CEP72: variants seen among roughly 807,000 people sequenced by gnomAD.
CEP72 encodes centrosomal protein of 72 kDa.
CEP72 carries 78 observed loss-of-function variants against 65.7 expected under a neutral mutation model. The observed-to-expected ratio is 1.19, with a 90% CI of 0.99 to 1.43. CEP72 has a LOEUF of 1.43. CEP72 is among the 40% of genes most tolerant of loss of function. CEP72 has a pLI of 0.00. For missense variants in CEP72, 914 were observed against 832.9 expected, an observed-to-expected ratio of 1.10 and a Z score of -1.20; for synonymous variants, 358 against 351.7, an observed-to-expected ratio of 1.02 and a Z score of -0.20.
chr5:670,078 AGTCCCCT>A (rs3840309), downstream of CEP72, among the ~76,000 whole-genome samples: 41,882 of 151,888 alleles, frequency 0.28, 6,588 homozygotes, highest in South Asian at 0.43. Context: ...CCAGGCTCTG[AGTCCCCT>A]GGCCTCTGGG....
chr5:651,536 C>T (rs1013067505), intron 11 of CEP72, among the ~76,000 whole-genome samples: 3 of 151,858 alleles, frequency 2.0e-5, no homozygotes, highest in Admixed American at 6.6e-5. Flanking sequence ...CACTGCAGTG[C>T]GTGTTCAGTT....
chr5:612,574 C>T, intron 1 of CEP72, 131 bp downstream of exon 1: 1 of 1,231,188 alleles, frequency 8.1e-7, no homozygotes, highest in Admixed American at 4.4e-5. Context: ...CCGGAACGGT[C>T]GCGGGCGAGC....
the CEP72 span, among the ~76,000 whole-genome samples, chr5:674,409 C>T: frequency 2.0e-5 from 3 of 150,776 alleles, no homozygotes; most frequent in Non-Finnish European, 2.9e-5. Flanking sequence ...CCCACGCAGG[C>T]TCTGGACCTG....
At chr5:662,887 T>C (rs1361046507) in intron 1 of CEP72, 1 of 143,752 alleles carries the variant, frequency 7.0e-6, no homozygotes, top group Non-Finnish European at 1.5e-5. Context: ...GTGATTCCGA[T>C]GACTGCTCGT....
Position 644,386 on chromosome 5 carries a change from A to G in CEP72, c.1627A>G (p.Ser543Gly). ...LLLSMKKEVKSADTAATLNLQ... is the reference protein window; with the variant it reads ...LLLSMKKEVKGADTAATLNLQ... ...GTTGAGTATGAAAAAGGAAGTGAAG[A>G]GTGCAGACACTGCAGCCACGTTAAA... The change falls in exon 10 of 12, where the codon AGT becomes GGT. Residue 543 changes from serine (S) to glycine (G), a missense_variant. Transcript: ENST00000264935. 7 of 1,613,998 alleles carry G rather than the reference A, an allele frequency of 4.3e-6. No homozygotes were observed. The highest frequency in any genetic ancestry group is 5.9e-6 in the Non-Finnish European group (7 of 1,179,974).
At chr5:651,100 TG>T (rs759727609) in intron 11 of CEP72, among the ~76,000 whole-genome samples, 93 of 42,490 alleles carry the variant, frequency 2.2e-3, no homozygotes, top group East Asian at 4.3e-3. Context: ...CTGTGAGGCG[TG>T]GACTGTGAGG....
intron 1 of CEP72, among the ~76,000 whole-genome samples, chr5:616,795 G>GGT (rs762810860): frequency 0.011 from 1,514 of 139,082 alleles, 18 homozygotes; most frequent in African/African-American, 0.027. Context: ...GTGGACGAGG[G>GGT]GTGTGTGTGT....
rs553663596 is a variant in CEP72, at chr5:640,222, A to T, written c.1343-186A>T. Among the ~76,000 whole-genome samples, 91 of 150,330 alleles carry T rather than the reference A, an allele frequency of 6.1e-4. 1 individual carries two copies. Among genetic ancestry groups the T allele is most frequent in the Non-Finnish European group, 5.3e-4 (36 of 67,524 alleles). ...CACCTCTTCTCTTTCTTCAGTTCCCACCCTGCCCGTGTGTGGACGCACAGA... is the reference window on the plus strand; with the variant it reads ...CACCTCTTCTCTTTCTTCAGTTCCCTCCCTGCCCGTGTGTGGACGCACAGA... On this transcript the variant is annotated intron_variant, in intron 8 of 11. Transcript: ENST00000264935.
chr5:649,429 G>C (rs1186654002), intron 11 of CEP72, among the ~76,000 whole-genome samples: 3 of 130,842 alleles, frequency 2.3e-5, no homozygotes, highest in African/African-American at 9.4e-5. Flanking sequence ...GGCGTGGACT[G>C]TGAGGGGTGA....
chr5:633,899 A>T lies in CEP72; in HGVS notation c.643A>T (p.Thr215Ser), dbSNP rs1255108203. ...EWDLGRPPGS[T>S]SFSQKGREAD... ...GGACCTCGGCAGGCCTCCCGGGAGC[A>T]CGAGCTTCAGCCAGAAGGGGCGTGA... Residue 215 changes from threonine (T) to serine (S), a missense_variant, in exon 5 of 12, where the codon ACG becomes TCG. Transcript: ENST00000264935. 6.2e-7 allele frequency: 1 copy of T among 1,613,238 alleles called. No individual in the cohort carries two copies. Among genetic ancestry groups the T allele is most frequent in the Non-Finnish European group, 8.5e-7 (1 of 1,180,036 alleles).
chr5:655,256 G>T (rs887198679), downstream of CEP72, among the ~76,000 whole-genome samples: 4 of 152,160 alleles, frequency 2.6e-5, no homozygotes, highest in South Asian at 8.3e-4. This position sits in a 1 kb window ranked among gnomAD's most constrained non-coding sequence, Gnocchi z 5.0. Context: ...CTTCTTGGGG[G>T]GCTGAGGCAG....
intron 10 of CEP72, 42 bp from the exon 11 acceptor site, chr5:647,763 T>C (rs770692988): frequency 6.1e-6 from 8 of 1,308,062 alleles, no homozygotes; most frequent in South Asian, 1.2e-5. Flanking sequence ...TATTAATGAG[T>C]TTTACTCATT....
Position 648,821 on chromosome 5 carries a change from CTG to C in CEP72, c.1778+908_1778+909del, listed in dbSNP as rs1207204044. ...GTGAGGCGTGGACTGTGAGGTGTGA[CTG>C]TGAGGTGTGACTGTGAGGTGTGGAC... On this transcript the variant is annotated intron_variant, in intron 11 of 11. Transcript: ENST00000264935. Among the ~76,000 whole-genome samples the C allele has an allele frequency of 6.9e-4, 80 of 116,144 alleles. 1 individual carries two copies. The highest frequency in any genetic ancestry group is 9.1e-4 in the African/African-American group (26 of 28,562). 76.2% of individuals were successfully genotyped at this position (116,144 alleles called of 152,430 possible). A position where few individuals can be genotyped will look rare whatever the true frequency, so the allele number is the denominator to read the frequency against.
At chr5:637,313 G>A (rs1737675963) in intron 6 of CEP72, among the ~76,000 whole-genome samples, 3 of 152,126 alleles carry the variant, frequency 2.0e-5, no homozygotes, top group African/African-American at 7.2e-5. Flanking sequence ...TCTTCCCTCG[G>A]CACCCTCCCT....
At chr5:644,803 C>T (rs1451549117) in intron 10 of CEP72, among the ~76,000 whole-genome samples, 1 of 152,208 alleles carries the variant, frequency 6.6e-6, no homozygotes, top group East Asian at 1.9e-4. Flanking sequence ...GTGAATGAGC[C>T]TGTTGCCCAG....
At chr5:652,540 G>T (rs1012046188) in intron 11 of CEP72, among the ~76,000 whole-genome samples, 13 of 152,290 alleles carry the variant, frequency 8.5e-5, no homozygotes, top group African/African-American at 3.1e-4. Context: ...TTAAAGACTA[G>T]GACTCTTCTA....
chr5:649,541 G>C (rs1176109739), intron 11 of CEP72, among the ~76,000 whole-genome samples: 1 of 82,680 alleles, frequency 1.2e-5, no homozygotes, highest in African/African-American at 4.8e-5. Flanking sequence ...GGACTGTGAG[G>C]TGTGACTGTG....
downstream of CEP72, among the ~76,000 whole-genome samples, chr5:654,231 G>C: frequency 1.3e-5 from 2 of 150,448 alleles, no homozygotes; most frequent in African/African-American, 2.4e-5. Flanking sequence ...TGCTGTGTGT[G>C]TGCTAGCTGT....
At chr5:669,395 T>A (rs1445832799), downstream of CEP72, among the ~76,000 whole-genome samples, 2 of 152,134 alleles carry the variant, frequency 1.3e-5, no homozygotes, top group Non-Finnish European at 2.9e-5. Context: ...CCTGTGGTGC[T>A]AGAAGAGCCA....
Sources: allele counts gnomAD v4.1 joint callset (sites outside exome capture counted in the v4.1 genomes callset), GRCh38; gene constraint gnomAD v4.1.1; non-coding constraint Gnocchi (gnomAD v3.1); transcripts MANE v1.5; gene names NCBI Gene and HGNC (gene_info 2026-07-23, HGNC 2026-07-21).